Variants in ASH2L observed in about 807,000 individuals in gnomAD.
ASH2L encodes the protein set1/Ash2 histone methyltransferase complex subunit ASH2.
ASH2L carries 30 observed loss-of-function variants against 81.1 expected under a neutral mutation model. The ratio of observed to expected loss-of-function variants is 0.37; its 90% confidence interval spans 0.28 to 0.50. The LOEUF (loss-of-function observed/expected upper bound fraction) is 0.50, where lower values mean the gene tolerates loss of function less well. ASH2L is among the 20% of genes least tolerant of loss of function. The pLI is 0.95. For synonymous variants in ASH2L, 273 were observed against 279.9 expected, an observed-to-expected ratio of 0.98 and a Z score of 0.24; for missense variants, 559 against 792.1, an observed-to-expected ratio of 0.71 and a Z score of 3.53.
At chr8:38,126,117 C>T (rs956062608) in intron 10 of ASH2L, among the ~76,000 whole-genome samples, 6 of 151,572 alleles carry the variant, frequency 4.0e-5, no homozygotes, top group African/African-American at 1.5e-4. Flanking sequence ...GTGGGAGAAT[C>T]GCTTGAACCC....
intron 14 of ASH2L, among the ~76,000 whole-genome samples, chr8:38,137,111 G>A (rs1419847300): frequency 6.9e-6 from 1 of 145,296 alleles, no homozygotes; most frequent in Non-Finnish European, 1.6e-5. Context: ...AAAAAGGGCG[G>A]GGGTGGCGCT....
Position 38,139,163 on chromosome 8 carries a change from T to C in ASH2L, c.*92T>C, listed in dbSNP as rs1327868826. The C allele has an allele frequency of 9.7e-7, 1 of 1,029,100 alleles. No individual in the cohort carries two copies. Among genetic ancestry groups the C allele is most frequent in the Non-Finnish European group, 1.4e-6 (1 of 721,162 alleles). The allele number at this position is 1,029,100 out of a possible 1,614,324, so 63.7% of individuals were successfully genotyped here. On this transcript the variant is annotated 3_prime_UTR_variant, in exon 16 of 16. Transcript: ENST00000343823. ...ACTGTCTCAAATGTTCTCCCAAAGA[T>C]GCTAAAAACACAGCCTCTCCTTTTA...
rs779895776 is a variant in ASH2L at position 38,138,853 on chromosome 8, C to T, written c.1757C>T (p.Pro586Leu). The change falls in exon 15 of 16, where the codon CCG becomes CTG. Residue 586 changes from proline (P) to leucine (L), a missense_variant. By Grantham distance (98) the Pro-to-Leu change is moderately conservative (BLOSUM62 -3). Around this residue, in one of 4 missense-constraint regions of ASH2L, gnomAD observed 95 missense variants for 130.7 expected, o/e 0.73. Transcript: ENST00000343823. Reference sequence around the variant, plus strand: ...TTTGGACCATGCTTCAAGTATCCTCCGAAGGATCTCACTTACCGCCCTGTG... The same window carrying T: ...TTTGGACCATGCTTCAAGTATCCTCTGAAGGATCTCACTTACCGCCCTGTG... ...INFGPCFKYPPKDLTYRPMSD... is the reference protein window; with the variant it reads ...INFGPCFKYPLKDLTYRPMSD... 47 of 1,613,952 alleles carry T rather than the reference C, an allele frequency of 2.9e-5. No individual in the cohort carries two copies. Among genetic ancestry groups the T allele is most frequent in the Middle Eastern group, 1.6e-4 (1 of 6,084 alleles).
At chr8:38,114,150 T>G in intron 5 of ASH2L, 42 bp from the exon 6 acceptor site, 1 of 1,176,814 alleles carries the variant, frequency 8.5e-7, no homozygotes. Context: ...CAGCATATCT[T>G]TGATTGCAGC....
intron 10 of ASH2L, among the ~76,000 whole-genome samples, chr8:38,125,037 A>G (rs1431198675): frequency 6.6e-6 from 1 of 152,104 alleles, no homozygotes; most frequent in Admixed American, 6.5e-5. Flanking sequence ...AATAGAGTGA[A>G]AACTCACTCA....
intron 1 of ASH2L, 154 bp from the exon 2 acceptor site, chr8:38,106,224 T>C (rs1810424286): frequency 7.9e-6 from 11 of 1,398,986 alleles, no homozygotes; most frequent in Non-Finnish European, 9.9e-6. Flanking sequence ...CTCAGTATCC[T>C]GACAGTACCT....
chr8:38,116,039 C>T (rs1326022638), intron 7 of ASH2L, among the ~76,000 whole-genome samples: 1 of 151,934 alleles, frequency 6.6e-6, no homozygotes, highest in East Asian at 1.9e-4. Context: ...CCAGCCTGGC[C>T]AACACAGCGA....
intron 8 of ASH2L, 62 bp downstream of exon 8, chr8:38,116,787 G>C: frequency 7.3e-7 from 1 of 1,376,504 alleles, no homozygotes; most frequent in Non-Finnish European, 1.0e-6. Flanking sequence ...GTTGTGCCTA[G>C]AACTGGCCAT....
chr8:38,115,462 A>G (rs1253800752), intron 7 of ASH2L, among the ~76,000 whole-genome samples: 1 of 152,188 alleles, frequency 6.6e-6, no homozygotes, highest in Non-Finnish European at 1.5e-5. Flanking sequence ...TCAGAATGTC[A>G]AATCTTAAAG....
rs1208863071 is a variant in ASH2L, at chr8:38,139,509, A to G, written c.*438A>G. ...CTGTTTCTGAGAACACCTGAAATCA[A>G]TGGCTATACATTCCAAACCAATCTA... On this transcript the variant is annotated 3_prime_UTR_variant, in exon 16 of 16. Transcript: ENST00000343823. 1.9e-5 allele frequency: 3 copies of G among 155,644 alleles called. No individual in the cohort carries two copies. The highest frequency in any genetic ancestry group is 6.3e-5 in the Admixed American group (1 of 15,750). The allele number at this position is 155,644 out of a possible 1,614,324, so 9.6% of individuals were successfully genotyped here. A position where few individuals can be genotyped will look rare whatever the true frequency, so the allele number is the denominator to read the frequency against.
chr8:38,112,090 T>C (rs1295131526), intron 5 of ASH2L, among the ~76,000 whole-genome samples: 1 of 152,174 alleles, frequency 6.6e-6, no homozygotes, highest in Non-Finnish European at 1.5e-5. Context: ...CACTGCAGCC[T>C]CAACCTCCTG....
At chr8:38,133,211 G>A (rs1041101238) in intron 12 of ASH2L, among the ~76,000 whole-genome samples, 2 of 152,148 alleles carry the variant, frequency 1.3e-5, no homozygotes, top group African/African-American at 4.8e-5. Context: ...AAGCATGTAT[G>A]TATTATGTAT....
At chr8:38,106,167 G>C in intron 1 of ASH2L, 1 of 1,529,004 alleles carries the variant, frequency 6.5e-7, no homozygotes, top group Non-Finnish European at 8.8e-7. Flanking sequence ...GGCCGGTTAG[G>C]CTTCCCTGTG....
In ASH2L at chr8:38,110,753, T is replaced by C; in HGVS notation, c.505T>C (p.Cys169Arg). The change falls in exon 5 of 16, where the codon TGC becomes CGC. Residue 169 changes from cysteine to arginine, a missense_variant. Physicochemically the swap from Cys to Arg is radical, Grantham distance 180. This residue lies in a region of ASH2L where 318 missense variants were observed against 527.0 expected (regional missense o/e 0.60). Coordinates refer to ENST00000343823, the MANE Select transcript of ASH2L (RefSeq NM_004674.5). ...GTTTTTGATAGACTTGAAGGAAATGTGCCTTAGTGCTTTGGCCAACCTGAC... is the reference window on the plus strand; with the variant it reads ...GTTTTTGATAGACTTGAAGGAAATGCGCCTTAGTGCTTTGGCCAACCTGAC... ...LRKQANLKEM[C>R]LSALANLTWQ... 1 of 1,613,750 alleles carries C rather than the reference T, an allele frequency of 6.2e-7. No homozygotes were observed. The highest frequency in any genetic ancestry group is 8.5e-7 in the Non-Finnish European group (1 of 1,179,826).
chr8:38,132,142 C>T (rs28758311), intron 12 of ASH2L, among the ~76,000 whole-genome samples: 7,726 of 152,098 alleles, frequency 0.051, 215 homozygotes, highest in Middle Eastern at 0.065. Context: ...CCACTGCGCT[C>T]GGCCACATGT....
chr8:38,116,010 TG>T (rs1292328987), intron 7 of ASH2L, among the ~76,000 whole-genome samples: 1 of 152,166 alleles, frequency 6.6e-6, no homozygotes. Flanking sequence ...GCAGATCATT[TG>T]AGATCGGGAG....
rs546988945 is a variant in ASH2L, at chr8:38,135,191, T to G, written c.1621-477T>G. Among the ~76,000 whole-genome samples, 27 of 152,272 alleles carry G rather than the reference T, an allele frequency of 1.8e-4. 1 individual carries two copies. Among genetic ancestry groups the G allele is most frequent in the Middle Eastern group, 6.8e-3 (2 of 294 alleles). Reference sequence around the variant, plus strand: ...ATACAGTGCAATGAATAATAAAATATAGAAATGTTTGGTATATGTAGCACA... The same window carrying G: ...ATACAGTGCAATGAATAATAAAATAGAGAAATGTTTGGTATATGTAGCACA... On this transcript the variant is annotated intron_variant, in intron 13 of 15. Transcript: ENST00000343823.
At chr8:38,116,490 G>A (rs62503908) in intron 7 of ASH2L, among the ~76,000 whole-genome samples, 160 bp from the exon 8 acceptor site, 2,795 of 152,270 alleles carry the variant, frequency 0.018, 42 homozygotes, top group Non-Finnish European at 0.028. Context: ...CCGAGATCGC[G>A]CCACTGTACT....
At chr8:38,128,486 A>G in intron 11 of ASH2L, 28 bp downstream of exon 11, 1 of 1,610,422 alleles carries the variant, frequency 6.2e-7, no homozygotes, top group Non-Finnish European at 8.5e-7. Context: ...TATGGACATC[A>G]CAGCAGATAG....
Sources: allele counts gnomAD v4.1 joint callset (sites outside exome capture counted in the v4.1 genomes callset), GRCh38; gene constraint gnomAD v4.1.1; regional missense constraint gnomAD v4.1.1; transcripts MANE v1.5; gene names NCBI Gene and HGNC (gene_info 2026-07-23, HGNC 2026-07-21).